The following PSD3 variants were observed in gnomAD, a reference collection of about 807,000 sequenced individuals.
PSD3 encodes the protein pleckstrin and Sec7 domain containing 3, also known as PH and SEC7 domain-containing protein 3.
A neutral mutation model predicts 105.5 loss-of-function variants in PSD3; 49 were observed. That is an observed-to-expected ratio of 0.46 (90% confidence interval 0.37 to 0.59). PSD3 has a LOEUF of 0.59. Among genes scored for constraint, PSD3 ranks in the 20% least tolerant of loss-of-function variants. The probability of loss-of-function intolerance (pLI) is 0.00; values close to 1 mark genes in which losing one functional copy is unlikely to be tolerated. For synonymous variants in PSD3, 557 were observed against 457.8 expected, an observed-to-expected ratio of 1.22 and a Z score of -2.77; for missense variants, 1,561 against 1,263.8, an observed-to-expected ratio of 1.24 and a Z score of -3.57.
intron 2 of PSD3, among the ~76,000 whole-genome samples, chr8:18,909,864 T>G (rs1244388564): frequency 6.6e-6 from 1 of 152,244 alleles, no homozygotes; most frequent in East Asian, 1.9e-4. Flanking sequence ...TGTTTTTATA[T>G]GTTTTTACTT....
intron 2 of PSD3, among the ~76,000 whole-genome samples, chr8:18,895,497 G>A (rs973888519): frequency 3.9e-5 from 6 of 152,208 alleles, no homozygotes; most frequent in Middle Eastern, 3.4e-3. Context: ...CATACAATTC[G>A]TTTTGGAATT....
chr8:19,073,782 G>T (rs368003473), intron 1 of PSD3, among the ~76,000 whole-genome samples: 2 of 133,996 alleles, frequency 1.5e-5, no homozygotes, highest in African/African-American at 5.1e-5. Context: ...CATCAGAATT[G>T]TGTTTTTTTC....
intron 1 of PSD3, among the ~76,000 whole-genome samples, chr8:19,055,983 G>T (rs1211261337): frequency 6.6e-6 from 1 of 152,182 alleles, no homozygotes. Flanking sequence ...CCTCCTTAAA[G>T]ACACATTCTG....
chr8:18,999,315 G>A (rs542141562), intron 1 of PSD3, among the ~76,000 whole-genome samples: 25 of 151,842 alleles, frequency 1.6e-4, no homozygotes, highest in Non-Finnish European at 3.5e-4. Context: ...GCTGGCTGAT[G>A]CCCATTCATA....
At chr8:18,776,028 T>G (rs988002437) in intron 8 of PSD3, among the ~76,000 whole-genome samples, 1 of 152,084 alleles carries the variant, frequency 6.6e-6, no homozygotes, top group African/African-American at 2.4e-5. Flanking sequence ...TTGTAAATTG[T>G]GAAAGTTAAG....
At chr8:18,712,260 G>C (rs1045627474) in intron 9 of PSD3, among the ~76,000 whole-genome samples, 1 of 150,540 alleles carries the variant, frequency 6.6e-6, no homozygotes, top group Admixed American at 6.6e-5. Flanking sequence ...CAGAAGACAA[G>C]ATATGACTAA....
At chr8:18,594,171 T>TTATATAATATATATTATTATATAATA (rs1803843648) in intron 12 of PSD3, among the ~76,000 whole-genome samples, 1 of 54,122 alleles carries the variant, frequency 1.8e-5, no homozygotes, top group African/African-American at 6.4e-5. Context: ...TATATACATA[T>TTATATAATATATATTATTATATAATA]TATATAATAT....
chr8:18,905,376 T>C (rs1819773615), intron 2 of PSD3, among the ~76,000 whole-genome samples: 1 of 152,176 alleles, frequency 6.6e-6, no homozygotes, highest in Non-Finnish European at 1.5e-5. Context: ...CAGGCTGGAG[T>C]GCAGTGGCGC....
At chr8:18,809,875 A>C (rs1345004209) in intron 4 of PSD3, among the ~76,000 whole-genome samples, 5 of 152,206 alleles carry the variant, frequency 3.3e-5, no homozygotes, top group African/African-American at 1.2e-4. Context: ...AACAAAAACA[A>C]AAACACAAAA....
intron 9 of PSD3, among the ~76,000 whole-genome samples, chr8:18,666,815 TG>T (rs1414450979): frequency 8.5e-5 from 13 of 152,156 alleles, no homozygotes; most frequent in Non-Finnish European, 1.9e-4. Context: ...TAAACTACTG[TG>T]GGTGAGACAA....
At chr8:18,611,251 GAAA>G (rs138669050) in intron 11 of PSD3, among the ~76,000 whole-genome samples, 41,183 of 128,786 alleles carry the variant, frequency 0.32, 6,033 homozygotes, top group South Asian at 0.49. Context: ...TAGGATTTTG[GAAA>G]AAAAAAAAAA....
chr8:18,805,712 A>G (rs1196025128), intron 4 of PSD3, among the ~76,000 whole-genome samples: 1 of 152,208 alleles, frequency 6.6e-6, no homozygotes, highest in Non-Finnish European at 1.5e-5. Context: ...ATTTCATTAT[A>G]TAACCTTAAA....
chr8:18,788,144 T>A (rs889188782), intron 8 of PSD3, among the ~76,000 whole-genome samples: 3 of 152,184 alleles, frequency 2.0e-5, no homozygotes, highest in African/African-American at 7.2e-5. Context: ...GGAAGTGGTA[T>A]TGGTACTGAG....
intron 15 of PSD3, among the ~76,000 whole-genome samples, chr8:18,538,639 G>A (rs1472678892): frequency 6.6e-6 from 1 of 152,152 alleles, no homozygotes; most frequent in African/African-American, 2.4e-5. Context: ...AGAGAATGAA[G>A]AAAAATTGTT....
At chr8:18,906,439 T>C (rs2129462430) in intron 2 of PSD3, among the ~76,000 whole-genome samples, 1 of 152,326 alleles carries the variant, frequency 6.6e-6, no homozygotes, top group East Asian at 1.9e-4. Flanking sequence ...GGGAAATTCA[T>C]AGTTAGGAGC....
intron 1 of PSD3, among the ~76,000 whole-genome samples, chr8:19,010,149 T>C (rs73594627): frequency 0.022 from 3,411 of 152,136 alleles, 139 homozygotes; most frequent in African/African-American, 0.078. Context: ...CAGGAGTGAG[T>C]GGTCCTCAAG....
At chr8:18,772,240 T>G (rs1242360709) in intron 8 of PSD3, among the ~76,000 whole-genome samples, 2 of 152,200 alleles carry the variant, frequency 1.3e-5, no homozygotes, top group African/African-American at 4.8e-5. Flanking sequence ...TTTATATATA[T>G]ACGTGCAGAA....
At chr8:19,028,805 T>C (rs928675718) in intron 1 of PSD3, among the ~76,000 whole-genome samples, 16 of 152,218 alleles carry the variant, frequency 1.1e-4, no homozygotes, top group African/African-American at 3.1e-4. Flanking sequence ...AGAATTGTTA[T>C]AGTTTTAGCT....
chr8:18,975,426 A>G (rs1340232315), intron 1 of PSD3, among the ~76,000 whole-genome samples: 1 of 151,804 alleles, frequency 6.6e-6, no homozygotes, highest in African/African-American at 2.4e-5. Context: ...GGTGGGATGG[A>G]AGGCATATGC....
Sources: allele counts gnomAD v4.1 joint callset (sites outside exome capture counted in the v4.1 genomes callset), GRCh38; gene constraint gnomAD v4.1.1; transcripts MANE v1.5; gene names NCBI Gene and HGNC (gene_info 2026-07-23, HGNC 2026-07-21).